DMXL1: variants seen among roughly 807,000 people sequenced by gnomAD.
DMXL1 encodes the protein Dmx like 1.
Under a neutral mutation model 319.2 loss-of-function variants are expected in DMXL1, and 99 were observed. The observed-to-expected ratio is 0.31, with a 90% CI of 0.26 to 0.37. The LOEUF (loss-of-function observed/expected upper bound fraction) is 0.37. DMXL1 is among the 10% of genes least tolerant of loss of function. The pLI is 1.00. For synonymous variants in DMXL1, 1,385 were observed against 1,235.2 expected, an observed-to-expected ratio of 1.12 and a Z score of -2.54; for missense variants, 3,745 against 3,595.6, an observed-to-expected ratio of 1.04 and a Z score of -1.06.
chr5:119,146,048 A>G (rs2150121733), intron 15 of DMXL1, among the ~76,000 whole-genome samples: 1 of 151,968 alleles, frequency 6.6e-6, no homozygotes, highest in East Asian at 1.9e-4. Flanking sequence ...TAGTCTCTCA[A>G]TACAAGATGA....
At chr5:119,183,512 G>C (rs753755655) in intron 28 of DMXL1, among the ~76,000 whole-genome samples, 1 of 152,066 alleles carries the variant, frequency 6.6e-6, no homozygotes, top group African/African-American at 2.4e-5. Flanking sequence ...TCGTACCGTC[G>C]CCCAGGCTGG....
chr5:119,125,656 C>T (rs538320273), intron 9 of DMXL1, among the ~76,000 whole-genome samples: 139 of 150,186 alleles, frequency 9.3e-4, no homozygotes, highest in African/African-American at 3.3e-3. Context: ...ACTCCACCTC[C>T]CGGGTTCATG....
chr5:119,134,049 A>G lies in DMXL1; in HGVS notation c.2125A>G (p.Arg709Gly). ...AGTTTACAGTGAGCTTATTCTGTGGAGGGTTGACCCAGTTGGGCCATTGTC... is the reference window on the plus strand; with the variant it reads ...AGTTTACAGTGAGCTTATTCTGTGGGGGGTTGACCCAGTTGGGCCATTGTC... ...SAVYSELILW[R>G]VDPVGPLSFS... Residue 709 changes from arginine (R) to glycine (G), a missense_variant, in exon 12 of 44, where the codon AGG becomes GGG. Arg to Gly is a moderately radical substitution (Grantham distance 125). Around this residue, in one of 4 missense-constraint regions of DMXL1, gnomAD observed 2,096 missense variants for 1,985.4 expected, o/e 1.06. Coordinates refer to ENST00000539542, the MANE Select transcript of DMXL1 (RefSeq NM_001290321.3). 6.2e-7 allele frequency: 1 copy of G among 1,614,148 alleles called. No individual in the cohort carries two copies. The highest frequency in any genetic ancestry group is 8.5e-7 in the Non-Finnish European group (1 of 1,180,012).
At chr5:119,125,874 T>TA (rs1432803651) in intron 9 of DMXL1, among the ~76,000 whole-genome samples, 2 of 152,166 alleles carry the variant, frequency 1.3e-5, no homozygotes, top group African/African-American at 4.8e-5. Context: ...AATATATATT[T>TA]AAAAAATCCA....
At chr5:119,167,427 C>G (rs1467118731) in intron 22 of DMXL1, among the ~76,000 whole-genome samples, 176 bp from the exon 23 acceptor site, 2 of 151,978 alleles carry the variant, frequency 1.3e-5, no homozygotes, top group Non-Finnish European at 2.9e-5. Flanking sequence ...TAAATGTTGT[C>G]AAGTAGATTT....
rs1188080614 is a variant in DMXL1, at chr5:119,247,115, A to G, written c.9043A>G (p.Ile3015Val). 6.2e-7 allele frequency: 1 copy of G among 1,614,004 alleles called. No homozygotes were observed. The highest frequency in any genetic ancestry group is 1.3e-5 in the African/African-American group (1 of 74,928). Residue 3015 changes from isoleucine (I) to valine (V), a missense_variant, in exon 44 of 44, where the codon ATT becomes GTT. Ile to Val is a conservative substitution (Grantham distance 29). This residue lies in a region of DMXL1 where 262 missense variants were observed against 320.5 expected (regional missense o/e 0.82). Coordinates refer to ENST00000539542, the MANE Select transcript of DMXL1 (RefSeq NM_001290321.3). ...MQIETGPANH[I>V]FSCGADGTMK... Reference sequence around the variant, plus strand: ...AATTGAGACAGGGCCTGCAAATCACATTTTCTCCTGTGGAGCTGATGGAAC... The same window carrying G: ...AATTGAGACAGGGCCTGCAAATCACGTTTTCTCCTGTGGAGCTGATGGAAC...
In DMXL1 at chr5:119,149,962, A is replaced by G. The variant is rs1429853634; in HGVS notation, c.4135A>G (p.Ser1379Gly). 24 of 1,613,738 alleles carry G rather than the reference A, an allele frequency of 1.5e-5. No homozygotes were observed. The highest frequency in any genetic ancestry group is 1.6e-4 in the Middle Eastern group (1 of 6,084). ...CCTTAGGTCTCTCACAATCAGTGCT[A>G]GTGGAAGCACTACCAGAGACCCCCA... ...RRLRSLTISA[S>G]GSTTRDPQAF... The change falls in exon 18 of 44, where the codon AGT becomes GGT. Residue 1379 changes from serine to glycine, a missense_variant. Around this residue, in one of 4 missense-constraint regions of DMXL1, gnomAD observed 2,096 missense variants for 1,985.4 expected, o/e 1.06. Coordinates refer to ENST00000539542, the MANE Select transcript of DMXL1 (RefSeq NM_001290321.3).
chr5:119,208,603 T>C (rs1262612661), intron 34 of DMXL1, among the ~76,000 whole-genome samples: 2 of 152,224 alleles, frequency 1.3e-5, no homozygotes, highest in Non-Finnish European at 2.9e-5. Flanking sequence ...ATAGTCAGCT[T>C]CATGCTACGT....
intron 13 of DMXL1, among the ~76,000 whole-genome samples, chr5:119,135,224 G>C (rs901974281): frequency 1.3e-5 from 2 of 152,126 alleles, no homozygotes; most frequent in African/African-American, 4.8e-5. Context: ...TGGGAATTTA[G>C]ATGTGAAGAA....
chr5:119,193,807 T>C, intron 29 of DMXL1, 21 bp from the exon 30 acceptor site: 1 of 1,607,574 alleles, frequency 6.2e-7, no homozygotes, highest in East Asian at 2.2e-5. Flanking sequence ...GCTGCTAAAT[T>C]TCATGATTTC....
In DMXL1 at chr5:119,202,883, T is replaced by C. The variant is rs11746263; in HGVS notation, c.7746-436T>C. ...TACATACATATATATATATATATAT[T>C]TTTATATATATATATATATATATTT... On this transcript the variant is annotated intron_variant, in intron 32 of 43. Transcript: ENST00000539542. Among the ~76,000 whole-genome samples the C allele has an allele frequency of 8.4e-5, 6 of 71,522 alleles. No homozygotes were observed. In the South Asian group the frequency reaches 3.5e-3, roughly 42 times the overall value. 46.9% of individuals were successfully genotyped at this position (71,522 alleles called of 152,430 possible).
intron 1 of DMXL1, among the ~76,000 whole-genome samples, chr5:119,087,187 A>T (rs1753569719): frequency 4.2e-5 from 6 of 144,476 alleles, no homozygotes; most frequent in African/African-American, 1.0e-4. Context: ...TCTGATCTTT[A>T]TTTTTTCTTC....
In DMXL1 at chr5:119,114,487, A is replaced by G; in HGVS notation, c.510A>G (p.Gln170=). Reference sequence around the variant, plus strand: ...GTTTAATTTACAGAACTGCTTCCCAAGTTCATTTAATGAAATTTTCACCAG... The same window carrying G: ...GTTTAATTTACAGAACTGCTTCCCAGGTTCATTTAATGAAATTTTCACCAG... The part of the protein sequence containing the change: ...KCIWHCKTAS[Q]VHLMKFSPDG... Residue 170 remains glutamine, a synonymous_variant, in exon 6 of 44, where the codon CAA becomes CAG. Coordinates refer to ENST00000539542, the MANE Select transcript of DMXL1 (RefSeq NM_001290321.3). The G allele has an allele frequency of 6.2e-7, 1 of 1,608,240 alleles. No individual in the cohort carries two copies. Among genetic ancestry groups the G allele is most frequent in the South Asian group, 1.1e-5 (1 of 89,432 alleles).
At chr5:119,175,902 A>G (rs114086569) in intron 26 of DMXL1, among the ~76,000 whole-genome samples, 1 of 151,998 alleles carries the variant, frequency 6.6e-6, no homozygotes, top group Non-Finnish European at 1.5e-5. Flanking sequence ...TTCTATATCT[A>G]TCTTTAGTTG....
At chr5:119,109,300 T>C (rs1373018970) in intron 4 of DMXL1, among the ~76,000 whole-genome samples, 1 of 152,210 alleles carries the variant, frequency 6.6e-6, no homozygotes, top group African/African-American at 2.4e-5. Flanking sequence ...ACATATTGTA[T>C]GTGTGATTTT....
At chr5:119,078,060 G>C (rs1006588857) in intron 1 of DMXL1, among the ~76,000 whole-genome samples, 2 of 151,864 alleles carry the variant, frequency 1.3e-5, no homozygotes, top group Non-Finnish European at 2.9e-5. Flanking sequence ...TTTAAAATCA[G>C]GTAGACGGAT....
At chr5:119,246,961 C>A in intron 43 of DMXL1, 34 bp from the exon 44 acceptor site, 1 of 1,502,312 alleles carries the variant, frequency 6.7e-7, no homozygotes, top group South Asian at 1.2e-5. Context: ...TCATCATCAA[C>A]CCTAATTTTC....
At chr5:119,126,747 TAGA>T (rs1356106037) in intron 9 of DMXL1, 1 of 154,260 alleles carries the variant, frequency 6.5e-6, no homozygotes, top group Non-Finnish European at 1.5e-5. Flanking sequence ...TGGTGGTCAA[TAGA>T]GATTTTGAAA....
intron 2 of DMXL1, 149 bp from the exon 3 acceptor site, chr5:119,101,786 G>A (rs1336571699): frequency 1.6e-6 from 1 of 616,880 alleles, no homozygotes. Flanking sequence ...ATGCAGATGT[G>A]ATAGTCTTCA....
Sources: gnomAD v4.1 joint callset for allele counts (sites outside exome capture counted in the v4.1 genomes callset) on GRCh38, gnomAD v4.1.1 for gene constraint, gnomAD v4.1.1 regional missense constraint, MANE v1.5 for transcripts, NCBI Gene and HGNC (gene_info 2026-07-23, HGNC 2026-07-21) for gene names.